Variants in COG2 observed in about 807,000 individuals in gnomAD.
COG2 encodes conserved oligomeric Golgi complex subunit 2.
Under a neutral mutation model 90.6 loss-of-function variants are expected in COG2, and 52 were observed. The observed-to-expected ratio is 0.57, with a 90% CI of 0.46 to 0.72. The LOEUF is 0.72. Ranked by LOEUF, COG2 falls within the 30% of genes least tolerant of loss-of-function variation. The pLI, the probability that COG2 is intolerant of heterozygous loss-of-function variation, is 0.00. For missense variants in COG2, 829 were observed against 891.2 expected (o/e 0.93, Z 0.89); for synonymous variants, 337 against 320.4 (o/e 1.05, Z -0.55).
intron 16 of COG2, among the ~76,000 whole-genome samples, chr1:230,690,845 C>A (rs544822828): frequency 1.3e-5 from 2 of 152,168 alleles, no homozygotes; most frequent in African/African-American, 4.8e-5. Context: ...GCCAAGTAAC[C>A]AGCTTGTAGA....
chr1:230,690,107 A>G lies in COG2; in HGVS notation c.1888A>G (p.Ile630Val), dbSNP rs1490843292. Reference protein sequence around the residue: ...SGHKDKLKQAIIQQWLEGTLS... With the variant: ...SGHKDKLKQAVIQQWLEGTLS... ...ACACAAGGATAAGCTCAAACAAGCA[A>G]TAATTCAGCAGTGGCTAGAAGGCAC... The change falls in exon 16 of 18, where the codon ATA (isoleucine) becomes GTA (valine). Residue 630 changes from isoleucine to valine, a missense_variant. Coordinates refer to ENST00000366669, the MANE Select transcript of COG2 (RefSeq NM_007357.3). 1 of 1,613,844 alleles carries G rather than the reference A, an allele frequency of 6.2e-7. No individual in the cohort carries two copies. Among genetic ancestry groups the G allele is most frequent in the Non-Finnish European group, 8.5e-7 (1 of 1,179,862 alleles).
intron 3 of COG2, chr1:230,661,282 T>A (rs989507633): frequency 6.6e-6 from 1 of 152,272 alleles, no homozygotes; most frequent in Non-Finnish European, 1.5e-5. Context: ...TAATATACAA[T>A]TAATGTAATA....
chr1:230,647,832 TA>T (rs1206016601), intron 1 of COG2, among the ~76,000 whole-genome samples: 1 of 146,632 alleles, frequency 6.8e-6, no homozygotes, highest in African/African-American at 2.6e-5. Flanking sequence ...CATTACTTTT[TA>T]TTTTTTTAAT....
At chr1:230,687,191 G>A in intron 13 of COG2, 59 bp downstream of exon 13, 1 of 1,499,908 alleles carries the variant, frequency 6.7e-7, no homozygotes, top group South Asian at 1.3e-5. Context: ...ACAGAAGGTA[G>A]TATGTGTAAA....
At chr1:230,680,012 C>T (rs1366311716) in intron 10 of COG2, 1 of 152,110 alleles carries the variant, frequency 6.6e-6, no homozygotes, top group Non-Finnish European at 1.5e-5. Context: ...GTAAGGTGCC[C>T]TTTCACTTAC....
chr1:230,649,089 A>G (rs569010080), intron 1 of COG2, among the ~76,000 whole-genome samples: 2 of 152,382 alleles, frequency 1.3e-5, no homozygotes, highest in East Asian at 3.9e-4. Flanking sequence ...GGATTTAGAC[A>G]TAAAATTGAT....
At chr1:230,667,997 A>G (rs1237447604) in intron 5 of COG2, among the ~76,000 whole-genome samples, 1 of 152,212 alleles carries the variant, frequency 6.6e-6, no homozygotes, top group Admixed American at 6.5e-5. Flanking sequence ...ACTAGGACCC[A>G]CAGCATGTAG....
chr1:230,684,452 T>TA (rs1662836917), intron 11 of COG2: 1 of 152,846 alleles, frequency 6.5e-6, no homozygotes, highest in East Asian at 1.9e-4. Flanking sequence ...TATGTGGACT[T>TA]ACCAGTACAT....
At chr1:230,644,805 G>A (rs1215596510) in intron 1 of COG2, among the ~76,000 whole-genome samples, 1 of 152,186 alleles carries the variant, frequency 6.6e-6, no homozygotes, top group Non-Finnish European at 1.5e-5. Context: ...CAGGTTAAAA[G>A]CAGGAAATGA....
At chr1:230,678,824 CTTCT>C in intron 9 of COG2, 85 bp from the exon 10 acceptor site, 2 of 1,585,262 alleles carry the variant, frequency 1.3e-6, no homozygotes, top group Non-Finnish European at 1.7e-6. Flanking sequence ...ACGTGTTGAG[CTTCT>C]TTATCTTGAT....
rs1182712192 is a variant in COG2 at position 230,685,219 on chromosome 1, T to C, written c.1363T>C (p.Ser455Pro). The C allele has an allele frequency of 6.8e-6, 11 of 1,614,188 alleles. No homozygotes were observed. Among genetic ancestry groups the C allele is most frequent in the South Asian group, 1.1e-5 (1 of 91,088 alleles). ...RLTLQILARY[S>P]VFVNELSLRP... ...CACTCTGCAGATTTTGGCACGATAC[T>C]CTGTGTTTGTCAATGAGGTAAGGGC... The change falls in exon 12 of 18, where the codon TCT becomes CCT. Residue 455 changes from serine to proline, a missense_variant. Transcript: ENST00000366669.
chr1:230,693,374 C>T lies in COG2; in HGVS notation c.2198C>T (p.Ala733Val). 6.2e-7 allele frequency: 1 copy of T among 1,612,128 alleles called. No individual in the cohort carries two copies. Among genetic ancestry groups the T allele is most frequent in the South Asian group, 1.1e-5 (1 of 90,764 alleles). Residue 733 changes from alanine to valine, a missense_variant, in exon 18 of 18, where the codon GCA becomes GTA. Ala to Val is a moderately conservative substitution (Grantham distance 64). Coordinates refer to ENST00000366669, the MANE Select transcript of COG2 (RefSeq NM_007357.3). ...CTTGTTGCTGCTGCCAAGGACCAGG[C>T]AACAGCAGAGCAGCCTTAAGCATCT... is the stretch of plus-strand genomic sequence containing the variant. ...AELVAAAKDQATAEQP is the reference protein window; with the variant it reads ...AELVAAAKDQVTAEQP
intron 1 of COG2, among the ~76,000 whole-genome samples, chr1:230,644,318 T>C (rs1661706672): frequency 6.6e-6 from 1 of 152,236 alleles, no homozygotes; most frequent in South Asian, 2.1e-4. Flanking sequence ...GTTGATTTTT[T>C]AGGTGGAGCT....
At chr1:230,692,315 G>A (rs959798374) in intron 17 of COG2, among the ~76,000 whole-genome samples, 1 of 151,634 alleles carries the variant, frequency 6.6e-6, no homozygotes, top group African/African-American at 2.4e-5. Flanking sequence ...GACACTTGGT[G>A]GTGTTTTGGA....
chr1:230,645,878 T>C (rs1447041700), intron 1 of COG2, among the ~76,000 whole-genome samples: 1 of 152,116 alleles, frequency 6.6e-6, no homozygotes, highest in Non-Finnish European at 1.5e-5. Context: ...GAGAATCTAG[T>C]GCTGCCACTG....
chr1:230,684,952 T>G, intron 11 of COG2, 133 bp from the exon 12 acceptor site: 1 of 1,044,986 alleles, frequency 9.6e-7, no homozygotes, highest in Non-Finnish European at 1.4e-6. Context: ...CCAACAGCTT[T>G]GCTGACCACA....
At position 230,692,798 on chromosome 1, in the gene COG2, G is replaced by A. The variant is rs557138773; in HGVS notation, c.2116-494G>A. On this transcript the variant is annotated intron_variant, in intron 17 of 17. Transcript: ENST00000366669. ...TACGTGTGTGTGTGTTGTTATTGTC[G>A]TTTTTAAACAAAAGTGGGAACGTAG... Among the ~76,000 whole-genome samples the A allele has an allele frequency of 1.9e-4, 28 of 150,406 alleles. No individual in the cohort carries two copies. The South Asian group carries it at 4.2e-3, about 23-fold the overall frequency.
chr1:230,649,561 TTTG>T (rs1219357219), intron 1 of COG2, among the ~76,000 whole-genome samples: 3 of 152,182 alleles, frequency 2.0e-5, no homozygotes, highest in Non-Finnish European at 2.9e-5. Context: ...ATTCATAATG[TTTG>T]TTTACATGTT....
At chr1:230,683,708 G>T in intron 11 of COG2, 73 bp downstream of exon 11, 1 of 982,834 alleles carries the variant, frequency 1.0e-6, no homozygotes, top group Non-Finnish European at 1.6e-6. Flanking sequence ...CATCTGGATT[G>T]CAGTATTCTG....
Sources: allele counts gnomAD v4.1 joint callset (sites outside exome capture counted in the v4.1 genomes callset), GRCh38; gene constraint gnomAD v4.1.1; transcripts MANE v1.5; gene names NCBI Gene and HGNC (gene_info 2026-07-23, HGNC 2026-07-21).